The following MUC13 variants were observed in gnomAD, a reference collection of about 807,000 sequenced individuals.
MUC13 encodes mucin-13.
Under a neutral mutation model 48.3 loss-of-function variants are expected in MUC13, and 32 were observed. The ratio of observed to expected loss-of-function variants is 0.66; its 90% confidence interval spans 0.50 to 0.89. The LOEUF is 0.89. Among genes scored for constraint, MUC13 ranks in the 40% least tolerant of loss-of-function variants. MUC13 has a pLI of 0.00. For synonymous variants in MUC13, 199 were observed against 224.9 expected (o/e 0.88, Z 1.03); for missense variants, 571 against 622.8 (o/e 0.92, Z 0.88).
chr3:124,919,047 T>G (rs1044282802), intron 5 of MUC13, among the ~76,000 whole-genome samples: 2 of 152,150 alleles, frequency 1.3e-5, no homozygotes, highest in Non-Finnish European at 2.9e-5. Flanking sequence ...TTTTAAAAGT[T>G]TTTATTTAGG....
In MUC13 at chr3:124,912,270, C is replaced by G. The variant is rs79976888; in HGVS notation, c.1215-129G>C. The G allele has an allele frequency of 2.3e-3, 3,261 of 1,399,692 alleles. 29 individuals carry two copies. The highest frequency in any genetic ancestry group is 0.016 in the African/African-American group (1,083 of 69,370). The allele number at this position is 1,399,692 out of a possible 1,614,324, so 86.7% of individuals were successfully genotyped here. On this transcript the variant is annotated intron_variant, in intron 8 of 11. Coordinates refer to ENST00000616727, the MANE Select transcript of MUC13 (RefSeq NM_033049.4). ...ATTCTGTCCTCCCTTGCTTTTTTTC[C>G]TCTTTCTTTTGCCTTCCTTACACTC...
At position 124,934,696 on chromosome 3, in the gene MUC13, T is replaced by C; in HGVS notation, c.17A>G (p.His6Arg). The C allele has an allele frequency of 1.2e-6, 2 of 1,610,912 alleles. No homozygotes were observed. The highest frequency in any genetic ancestry group is 1.1e-5 in the South Asian group (1 of 90,906). MKAII[H>R]LTLLALLSVN... ...AGAAAGGAGAGCAAGAAGAGTAAGA[T>C]GAATGATGGCTTTCATTTTAGCTGT... The change falls in exon 1 of 12, where the codon CAT becomes CGT. Residue 6 changes from histidine to arginine, a missense_variant. By Grantham distance (29) the His-to-Arg change is conservative. Coordinates refer to ENST00000616727, the MANE Select transcript of MUC13 (RefSeq NM_033049.4).
chr3:124,923,672 T>C, intron 2 of MUC13, 23 bp from the exon 3 acceptor site: 1 of 1,603,432 alleles, frequency 6.2e-7, no homozygotes, highest in Non-Finnish European at 8.5e-7. Context: ...AGAAAGAGAT[T>C]AGAAATCCAG....
At chr3:124,915,148 T>C (rs989852486) in intron 6 of MUC13, among the ~76,000 whole-genome samples, 1 of 152,206 alleles carries the variant, frequency 6.6e-6, no homozygotes, top group Non-Finnish European at 1.5e-5. Context: ...CAACCAGGAC[T>C]GAGAACCAGC....
intron 2 of MUC13, among the ~76,000 whole-genome samples, chr3:124,926,749 TA>T (rs1244846104): frequency 1.3e-5 from 2 of 152,228 alleles, no homozygotes; most frequent in African/African-American, 4.8e-5. Context: ...TCACGAGTCA[TA>T]TCTGACCAAC....
At chr3:124,931,485 TG>T (rs1226458819) in intron 1 of MUC13, among the ~76,000 whole-genome samples, 2 of 145,852 alleles carry the variant, frequency 1.4e-5, no homozygotes, top group East Asian at 4.1e-4. Context: ...CGGTGGCTCA[TG>T]CCTGTAATCC....
At chr3:124,920,778 A>G (rs1391586442) in intron 4 of MUC13, among the ~76,000 whole-genome samples, 2 of 152,266 alleles carry the variant, frequency 1.3e-5, no homozygotes, top group Non-Finnish European at 2.9e-5. Flanking sequence ...GAAGTTCTTC[A>G]GGGGTTCCCT....
At chr3:124,918,761 A>G (rs1023317392) in intron 5 of MUC13, among the ~76,000 whole-genome samples, 2 of 152,152 alleles carry the variant, frequency 1.3e-5, no homozygotes, top group Admixed American at 6.5e-5. Flanking sequence ...TCCCCTACAC[A>G]TGAACTGGCT....
intron 5 of MUC13, among the ~76,000 whole-genome samples, chr3:124,917,027 C>T (rs920247522): frequency 6.6e-6 from 1 of 151,996 alleles, no homozygotes; most frequent in Non-Finnish European, 1.5e-5. Flanking sequence ...CACACACGAC[C>T]CAGAGGAGAA....
At chr3:124,927,387 A>C (rs6770196) in intron 2 of MUC13, 145 bp downstream of exon 2, 304,700 of 717,202 alleles carry the variant, frequency 0.42, 65,705 homozygotes, top group South Asian at 0.47. Flanking sequence ...ACATTGTGAC[A>C]CAGATTTCAA....
intron 7 of MUC13, 140 bp from the exon 8 acceptor site, chr3:124,913,380 C>A: frequency 7.0e-7 from 1 of 1,436,638 alleles, no homozygotes; most frequent in Non-Finnish European, 9.5e-7. Context: ...ACATGATGTG[C>A]CCCCTGTGAA....
Position 124,913,641 on chromosome 3 carries a change from C to T in MUC13, c.1005G>A (p.Ala335=), listed in dbSNP as rs771825364. The T allele has an allele frequency of 9.3e-6, 15 of 1,613,998 alleles. No homozygotes were observed. Among genetic ancestry groups the T allele is most frequent in the African/African-American group, 1.3e-5 (1 of 74,904 alleles). Residue 335 remains alanine, a synonymous_variant, in exon 7 of 12, where the codon GCG becomes GCA. Coordinates refer to ENST00000616727, the MANE Select transcript of MUC13 (RefSeq NM_033049.4). ...ATGCTAAACCATTGAGGCAGTCATC[C>T]GCAGTCTGGTTACAGCCATAATAAT... ...RCDYYGCNQT[A]DDCLNGLACD...
chr3:124,916,327 T>C lies in MUC13; in HGVS notation c.954A>G (p.Leu318=), dbSNP rs756386242. ...TTATACAATACTTACAATCATAGTT[T>C]AGAAAGTTGCTTGAGCTACTTCTAA... ...KAIRSSSSNF[L]NYDLTLRCDY... Residue 318 remains leucine, a synonymous_variant, in exon 6 of 12, where the codon CTA becomes CTG. Transcript: ENST00000616727. 4.2e-5 allele frequency: 67 copies of C among 1,610,598 alleles called. No homozygotes were observed. The highest frequency in any genetic ancestry group is 4.8e-5 in the Non-Finnish European group (57 of 1,178,860).
rs1179319612 is a variant in MUC13 at position 124,916,463 on chromosome 3, C to T, written c.818G>A (p.Arg273Lys). 2 of 1,612,024 alleles carry T rather than the reference C, an allele frequency of 1.2e-6. No homozygotes were observed. Among genetic ancestry groups the T allele is most frequent in the South Asian group, 1.1e-5 (1 of 90,570 alleles). Residue 273 changes from arginine (R) to lysine (K), a missense_variant, in exon 6 of 12, where the codon AGA (arginine) becomes AAA (lysine). Physicochemically the swap from Arg to Lys is conservative, Grantham distance 26 (BLOSUM62 2). Coordinates refer to ENST00000616727, the MANE Select transcript of MUC13 (RefSeq NM_033049.4). Reference protein sequence around the residue: ...ILTVSTSLSPRSEMRADDKFV... With the variant: ...ILTVSTSLSPKSEMRADDKFV... ...CTTGTCATCAGCACGCATTTCAGAT[C>T]TTGGTGACAGAGATGTGCTAAAAAT...
At chr3:124,914,747 C>T (rs555638442) in intron 6 of MUC13, among the ~76,000 whole-genome samples, 14 of 151,888 alleles carry the variant, frequency 9.2e-5, no homozygotes, top group Admixed American at 7.2e-4. Flanking sequence ...GCCAAAATGG[C>T]GAAAACCGTC....
chr3:124,908,347 A>T lies in MUC13; in HGVS notation c.1339T>A (p.Ser447Thr). 6.2e-7 allele frequency: 1 copy of T among 1,613,294 alleles called. No homozygotes were observed. Among genetic ancestry groups the T allele is most frequent in the Middle Eastern group, 1.7e-4 (1 of 6,054 alleles). Reference protein sequence around the residue: ...MIIALIVTARSNNKTKHIEEE... With the variant: ...MIIALIVTARTNNKTKHIEEE... Reference sequence around the variant, plus strand: ...TCAATATGCTTCGTTTTGTTATTTGATCTGTAATCAGTAAGAGGAATTAGG... The same window carrying T: ...TCAATATGCTTCGTTTTGTTATTTGTTCTGTAATCAGTAAGAGGAATTAGG... Residue 447 changes from serine to threonine, a missense_variant and splice_region_variant, in exon 11 of 12, where the codon TCA becomes ACA. Transcript: ENST00000616727.
Position 124,927,565 on chromosome 3 carries a change from C to A in MUC13, c.481G>T (p.Ala161Ser). 2 of 1,614,126 alleles carry A rather than the reference C, an allele frequency of 1.2e-6. No individual in the cohort carries two copies. Among genetic ancestry groups the A allele is most frequent in the Non-Finnish European group, 1.7e-6 (2 of 1,180,016 alleles). ...NQSSGPPTGT[A>S]LLETSTLNST... ...TTTAGGGTGCTGGTCTCCAATAAAG[C>A]GGTGCCAGTGGGAGGCCCTGATGAT... Residue 161 changes from alanine (A) to serine (S), a missense_variant, in exon 2 of 12, where the codon GCT (alanine) becomes TCT (serine). Transcript: ENST00000616727.
intron 5 of MUC13, among the ~76,000 whole-genome samples, chr3:124,919,390 A>G (rs1029614525): frequency 7.0e-6 from 1 of 143,376 alleles, no homozygotes; most frequent in Non-Finnish European, 1.5e-5. Flanking sequence ...TAATGTCACT[A>G]TGTTGCTCAG....
chr3:124,907,643 C>T (rs966241176), intron 11 of MUC13, among the ~76,000 whole-genome samples: 4 of 96,622 alleles, frequency 4.1e-5, no homozygotes, highest in African/African-American at 1.8e-4. Flanking sequence ...ACAAATAGAA[C>T]TTATATATAT....
Sources: gnomAD v4.1 joint callset for allele counts (sites outside exome capture counted in the v4.1 genomes callset) on GRCh38, gnomAD v4.1.1 for gene constraint, MANE v1.5 for transcripts, NCBI Gene and HGNC (gene_info 2026-07-23, HGNC 2026-07-21) for gene names.